Variants in TTC28 observed in about 807,000 individuals in gnomAD.
The protein encoded by TTC28 is tetratricopeptide repeat protein 28.
A neutral mutation model predicts 198.0 loss-of-function variants in TTC28; 61 were observed. That is an observed-to-expected ratio of 0.31 (90% CI 0.25 to 0.38). The LOEUF (loss-of-function observed/expected upper bound fraction) is 0.38, where lower values mean the gene tolerates loss of function less well. Ranked by LOEUF, TTC28 falls within the 10% of genes least tolerant of loss-of-function variation. The pLI is 1.00. For missense variants in TTC28, 2,678 were observed against 3,164.0 expected (o/e 0.85, Z 3.69); for synonymous variants, 1,171 against 1,297.8 (o/e 0.90, Z 2.10).
At chr22:28,598,725 A>G (rs1318706958) in intron 2 of TTC28, among the ~76,000 whole-genome samples, 1 of 152,162 alleles carries the variant, frequency 6.6e-6, no homozygotes, top group Non-Finnish European at 1.5e-5. Flanking sequence ...TCCTCTATCC[A>G]TTTGGGGTAT....
chr22:28,422,718 T>C (rs1432818372), intron 2 of TTC28, among the ~76,000 whole-genome samples: 1 of 152,180 alleles, frequency 6.6e-6, no homozygotes, highest in Admixed American at 6.5e-5. Context: ...GTGCTGGGAT[T>C]ACAGGCGTGA....
At chr22:28,553,626 C>G (rs1332977283) in intron 2 of TTC28, among the ~76,000 whole-genome samples, 2 of 151,954 alleles carry the variant, frequency 1.3e-5, no homozygotes, top group East Asian at 3.9e-4. Flanking sequence ...GCGTCTCCGC[C>G]CGGCAGCCAC....
intron 2 of TTC28, among the ~76,000 whole-genome samples, chr22:28,362,116 G>A (rs572757577): frequency 6.6e-6 from 1 of 152,288 alleles, no homozygotes; most frequent in African/African-American, 2.4e-5. Context: ...TGATTTTGGT[G>A]TTTCAATATG....
intron 2 of TTC28, among the ~76,000 whole-genome samples, chr22:28,373,279 G>A (rs958921934): frequency 6.6e-6 from 1 of 151,200 alleles, no homozygotes; most frequent in African/African-American, 2.4e-5. Flanking sequence ...CCTGGAGTTT[G>A]GCTTTCATTT....
chr22:28,632,332 A>T (rs945473235), intron 1 of TTC28, among the ~76,000 whole-genome samples: 1 of 120,562 alleles, frequency 8.3e-6, no homozygotes, highest in African/African-American at 3.3e-5. Context: ...CAATGGCATG[A>T]TCTCGACTCA....
chr22:28,108,245 C>T lies in TTC28; in HGVS notation c.1600G>A (p.Val534Ile), dbSNP rs911189906. The T allele has an allele frequency of 6.4e-7, 1 of 1,550,890 alleles. No individual in the cohort carries two copies. The highest frequency in any genetic ancestry group is 8.7e-7 in the Non-Finnish European group (1 of 1,146,332). Residue 534 changes from valine (V) to isoleucine (I), a missense_variant, in exon 7 of 23, where the codon GTC becomes ATC. By Grantham distance (29) the Val-to-Ile change is conservative. Coordinates refer to ENST00000397906, the MANE Select transcript of TTC28 (RefSeq NM_001145418.2). ...TGCAGCTCCTGCCGATGGTATTTGA[C>T]CGCCTGGTCGTACATGCCCAGGGCA... ...YNALGMYDQA[V>I]KYHRQELQIS...
chr22:28,157,432 A>G (rs1943773511), intron 6 of TTC28, among the ~76,000 whole-genome samples: 1 of 152,206 alleles, frequency 6.6e-6, no homozygotes, highest in Non-Finnish European at 1.5e-5. Context: ...AATACTTCCA[A>G]ATTCATTCTA....
intron 1 of TTC28, among the ~76,000 whole-genome samples, chr22:28,635,718 GAT>G (rs1489995839): frequency 1.2e-4 from 18 of 152,158 alleles, no homozygotes; most frequent in African/African-American, 4.3e-4. Flanking sequence ...TATATAATGT[GAT>G]GTTTTGATAT....
intron 5 of TTC28, among the ~76,000 whole-genome samples, chr22:28,280,011 T>A (rs2044553651): frequency 2.6e-5 from 4 of 152,222 alleles, no homozygotes; most frequent in Admixed American, 2.6e-4. Flanking sequence ...CTTGGGCTAT[T>A]TTCAGATTTT....
intron 12 of TTC28, among the ~76,000 whole-genome samples, chr22:28,047,259 G>A (rs2146692819): frequency 6.6e-6 from 1 of 152,340 alleles, no homozygotes; most frequent in Non-Finnish European, 1.5e-5. Flanking sequence ...GACCCTTGCT[G>A]AGTGGAGTCT....
At chr22:28,674,815 T>A (rs1308848203) in intron 1 of TTC28, among the ~76,000 whole-genome samples, 2 of 59,730 alleles carry the variant, frequency 3.3e-5, no homozygotes, top group Non-Finnish European at 6.9e-5. Context: ...AGACTCTGTC[T>A]CCAAAAAAAA....
chr22:28,134,659 A>C (rs563003298), intron 6 of TTC28, among the ~76,000 whole-genome samples: 1 of 152,204 alleles, frequency 6.6e-6, no homozygotes. Flanking sequence ...AAAAGAGTAA[A>C]AAGAAATGAA....
At chr22:28,673,742 G>A (rs1204886936) in intron 1 of TTC28, among the ~76,000 whole-genome samples, 1 of 152,124 alleles carries the variant, frequency 6.6e-6, no homozygotes, top group Non-Finnish European at 1.5e-5. Context: ...AGATAATACA[G>A]TGTGAATATA....
chr22:28,554,519 A>T (rs2049756637), intron 2 of TTC28, among the ~76,000 whole-genome samples: 1 of 152,204 alleles, frequency 6.6e-6, no homozygotes, highest in African/African-American at 2.4e-5. Context: ...TGCATCAACA[A>T]AATAAGATAC....
chr22:28,537,118 C>T (rs4583569), intron 2 of TTC28, among the ~76,000 whole-genome samples: 128,120 of 150,268 alleles, frequency 0.85, 54,849 homozygotes, highest in Middle Eastern at 0.94. Flanking sequence ...ATGGTGAAAC[C>T]CCGTCTCTAT....
chr22:28,633,480 A>T (rs781675900), intron 1 of TTC28, among the ~76,000 whole-genome samples: 1 of 151,954 alleles, frequency 6.6e-6, no homozygotes, highest in Non-Finnish European at 1.5e-5. Flanking sequence ...AAGACAAAAA[A>T]TAGCTGAGTG....
chr22:28,131,866 T>C (rs957176691), intron 6 of TTC28, among the ~76,000 whole-genome samples: 6 of 152,254 alleles, frequency 3.9e-5, no homozygotes, highest in African/African-American at 1.4e-4. Flanking sequence ...ATTATTAATA[T>C]ATAGCCTGAA....
chr22:28,454,331 T>A (rs949486748), intron 2 of TTC28, among the ~76,000 whole-genome samples: 1 of 152,242 alleles, frequency 6.6e-6, no homozygotes, highest in African/African-American at 2.4e-5. Context: ...TAGGTACTCA[T>A]TAAATATTTA....
chr22:28,367,978 C>T (rs1187628793), intron 2 of TTC28, among the ~76,000 whole-genome samples: 4 of 151,968 alleles, frequency 2.6e-5, no homozygotes, highest in East Asian at 1.9e-4. Flanking sequence ...TTAATTCTAA[C>T]GAACATTTAA....
Sources: allele counts gnomAD v4.1 joint callset (sites outside exome capture counted in the v4.1 genomes callset), GRCh38; gene constraint gnomAD v4.1.1; transcripts MANE v1.5; gene names NCBI Gene and HGNC (gene_info 2026-07-23, HGNC 2026-07-21).